The following ZHX2 variants were observed in gnomAD, a reference collection of about 807,000 sequenced individuals.
The protein encoded by ZHX2 is zinc fingers and homeoboxes 2, also known as zinc fingers and homeoboxes protein 2.
Under a neutral mutation model 21.9 loss-of-function variants are expected in ZHX2, and 6 were observed. The observed-to-expected ratio is 0.27, with a 90% CI of 0.15 to 0.54. The LOEUF (loss-of-function observed/expected upper bound fraction) is 0.54, where lower values mean the gene tolerates loss of function less well. ZHX2 is among the 20% of genes least tolerant of loss of function. The pLI, the probability that ZHX2 is intolerant of heterozygous loss-of-function variation, is 0.95. For missense variants in ZHX2, 908 were observed against 1,090.7 expected (o/e 0.83, Z 2.36); for synonymous variants, 434 against 437.1 (o/e 0.99, Z 0.09).
chr8:122,843,005 T>G (rs1818673627), intron 1 of ZHX2, among the ~76,000 whole-genome samples: 1 of 152,172 alleles, frequency 6.6e-6, no homozygotes, highest in South Asian at 2.1e-4. Flanking sequence ...GGCGTGACAC[T>G]TGGAGAACCA....
At chr8:122,887,985 C>T (rs1004907389) in intron 2 of ZHX2, among the ~76,000 whole-genome samples, 1 of 152,208 alleles carries the variant, frequency 6.6e-6, no homozygotes, top group Non-Finnish European at 1.5e-5. Flanking sequence ...TGCAGCCAGC[C>T]TCCTGCCGTG....
intron 1 of ZHX2, among the ~76,000 whole-genome samples, chr8:122,862,007 C>A (rs1819179104): frequency 6.6e-6 from 1 of 152,200 alleles, no homozygotes; most frequent in Non-Finnish European, 1.5e-5. Flanking sequence ...ACTGCAGAAG[C>A]TCGAATTCCC....
intron 1 of ZHX2, among the ~76,000 whole-genome samples, chr8:122,818,319 T>C (rs1208923318): frequency 2.0e-5 from 3 of 152,028 alleles, no homozygotes; most frequent in African/African-American, 7.3e-5. Context: ...AAACAACCAT[T>C]TTGCCTATAG....
intron 2 of ZHX2, among the ~76,000 whole-genome samples, chr8:122,879,863 G>A (rs974407646): frequency 6.6e-6 from 1 of 152,032 alleles, no homozygotes. Flanking sequence ...TTGTTATGAG[G>A]ACTAAATTTA....
At chr8:122,876,808 A>C (rs1819585159) in intron 2 of ZHX2, among the ~76,000 whole-genome samples, 3 of 152,186 alleles carry the variant, frequency 2.0e-5, no homozygotes. Flanking sequence ...GCCTGTGTGC[A>C]CCAGGGTGAG....
chr8:122,946,132 A>G (rs975631091), intron 2 of ZHX2, among the ~76,000 whole-genome samples: 3 of 152,130 alleles, frequency 2.0e-5, no homozygotes, highest in African/African-American at 7.2e-5. Flanking sequence ...GTATTCATTC[A>G]TTCACTTATT....
At chr8:122,865,330 A>G (rs892679401) in intron 2 of ZHX2, among the ~76,000 whole-genome samples, 1 of 151,890 alleles carries the variant, frequency 6.6e-6, no homozygotes, top group African/African-American at 2.4e-5. Flanking sequence ...GGGTTTCACC[A>G]TGTTAGCCAG....
intron 1 of ZHX2, among the ~76,000 whole-genome samples, chr8:122,833,464 G>A (rs781018857): frequency 6.6e-6 from 1 of 152,124 alleles, no homozygotes; most frequent in Non-Finnish European, 1.5e-5. Context: ...GGGGTGTGGT[G>A]TTCTGTGACT....
intron 1 of ZHX2, among the ~76,000 whole-genome samples, chr8:122,840,095 A>G (rs1818593079): frequency 6.6e-6 from 1 of 152,218 alleles, no homozygotes; most frequent in African/African-American, 2.4e-5. Context: ...GGCTAGCTCC[A>G]GGGCACCTAT....
intron 1 of ZHX2, among the ~76,000 whole-genome samples, chr8:122,788,935 C>A (rs1034202313): frequency 2.6e-5 from 4 of 152,192 alleles, no homozygotes; most frequent in African/African-American, 9.7e-5. Context: ...CACCCCTCCT[C>A]AAAAAGAGGC....
chr8:122,885,656 G>C (rs945595174), intron 2 of ZHX2, among the ~76,000 whole-genome samples: 1 of 152,196 alleles, frequency 6.6e-6, no homozygotes, highest in South Asian at 2.1e-4. Flanking sequence ...ATTTGAGGCA[G>C]CGTTGCTAGT....
At chr8:122,832,786 A>G (rs1363978554) in intron 1 of ZHX2, among the ~76,000 whole-genome samples, 1 of 152,140 alleles carries the variant, frequency 6.6e-6, no homozygotes, top group African/African-American at 2.4e-5. Flanking sequence ...TTTGCAGGGT[A>G]AGAGCTAGGC....
intron 2 of ZHX2, among the ~76,000 whole-genome samples, chr8:122,923,974 A>T (rs1329737680): frequency 6.6e-6 from 1 of 152,192 alleles, no homozygotes; most frequent in Non-Finnish European, 1.5e-5. Context: ...CTCTGTCCTG[A>T]TGAAAGATGG....
intron 1 of ZHX2, among the ~76,000 whole-genome samples, chr8:122,821,987 G>A (rs1361478726): frequency 6.6e-6 from 1 of 152,092 alleles, no homozygotes; most frequent in Admixed American, 6.6e-5. Flanking sequence ...TTACAGGTAT[G>A]AGCCACCGTG....
intron 2 of ZHX2, among the ~76,000 whole-genome samples, chr8:122,864,539 G>T (rs1819240206): frequency 6.6e-6 from 1 of 152,088 alleles, no homozygotes; most frequent in South Asian, 2.1e-4. Flanking sequence ...CACCAAAAGA[G>T]TTACTGGCTA....
intron 1 of ZHX2, among the ~76,000 whole-genome samples, chr8:122,802,996 C>T (rs561999373): frequency 2.7e-5 from 4 of 149,884 alleles, no homozygotes; most frequent in South Asian, 2.1e-4. Context: ...AGGGGACCAG[C>T]GGGCGGCAGC....
chr8:122,878,263 T>C (rs1819616350), intron 2 of ZHX2, among the ~76,000 whole-genome samples: 1 of 152,218 alleles, frequency 6.6e-6, no homozygotes, highest in Non-Finnish European at 1.5e-5. Context: ...GCCACAATAG[T>C]GCTTCATGAC....
intron 3 of ZHX2, among the ~76,000 whole-genome samples, chr8:122,959,142 C>G (rs1227300777): frequency 1.3e-5 from 2 of 152,180 alleles, no homozygotes; most frequent in African/African-American, 2.4e-5. Flanking sequence ...AAATTGACTC[C>G]AAAGCTCCAG....
intron 2 of ZHX2, among the ~76,000 whole-genome samples, chr8:122,921,538 G>A (rs114288760): frequency 0.022 from 3,325 of 152,246 alleles, 110 homozygotes; most frequent in African/African-American, 0.075. Flanking sequence ...AAGCGTGGGC[G>A]TGGTGATTCA....
Sources: gnomAD v4.1 joint callset for allele counts (sites outside exome capture counted in the v4.1 genomes callset) on GRCh38, gnomAD v4.1.1 for gene constraint, MANE v1.5 for transcripts, NCBI Gene and HGNC (gene_info 2026-07-23, HGNC 2026-07-21) for gene names.